The following SHROOM3 variants were observed in gnomAD, a reference collection of about 807,000 sequenced individuals.
SHROOM3 encodes the protein shroom family member 3.
Under a neutral mutation model 138.6 loss-of-function variants are expected in SHROOM3, and 47 were observed. The observed-to-expected ratio is 0.34, with a 90% CI of 0.27 to 0.43. The LOEUF is 0.43. Among genes scored for constraint, SHROOM3 ranks in the 20% least tolerant of loss-of-function variants. The pLI is 1.00. For missense variants in SHROOM3, 2,491 were observed against 2,596.5 expected (o/e 0.96, Z 0.88); for synonymous variants, 1,062 against 1,063.3 (o/e 1.00, Z 0.02).
chr4:76,631,448 G>A (rs1033836761), intron 2 of SHROOM3, among the ~76,000 whole-genome samples: 3 of 151,800 alleles, frequency 2.0e-5, no homozygotes, highest in Non-Finnish European at 4.4e-5. Flanking sequence ...CCCAACCTCA[G>A]GTGATCCACC....
rs546943884 is a variant in SHROOM3, at chr4:76,458,693, C to T, written c.168+22473C>T. Reference sequence around the variant, plus strand: ...GTTTTATTGAGATATAAATCAAATGCCATACAATTATCCTGTCACACACAT... The same window carrying T: ...GTTTTATTGAGATATAAATCAAATGTCATACAATTATCCTGTCACACACAT... On this transcript the variant is annotated intron_variant, in intron 1 of 10. Transcript: ENST00000296043. Among the ~76,000 whole-genome samples, 223 of 152,268 alleles carry T rather than the reference C, an allele frequency of 1.5e-3. 1 individual carries two copies. The highest frequency in any genetic ancestry group is 1.9e-3 in the Non-Finnish European group (132 of 68,012).
intron 5 of SHROOM3, among the ~76,000 whole-genome samples, chr4:76,744,314 A>G (rs1721360613): frequency 6.6e-6 from 1 of 152,200 alleles, no homozygotes; most frequent in Non-Finnish European, 1.5e-5. Flanking sequence ...CAAATGAAAT[A>G]CTTCTTTTGT....
chr4:76,649,558 A>C (rs1054661815), intron 2 of SHROOM3, among the ~76,000 whole-genome samples: 6 of 152,230 alleles, frequency 3.9e-5, no homozygotes, highest in African/African-American at 1.4e-4. Flanking sequence ...CATAAATTTG[A>C]CATGGTGTTG....
At chr4:76,746,918 G>A (rs1440341880) in intron 5 of SHROOM3, among the ~76,000 whole-genome samples, 1 of 151,784 alleles carries the variant, frequency 6.6e-6, no homozygotes, top group East Asian at 1.9e-4. Flanking sequence ...CCGGGTTCAC[G>A]CCATTCTCCT....
Position 76,740,903 on chromosome 4 carries a change from G to A in SHROOM3, c.2730G>A (p.Ser910=), listed in dbSNP as rs772076428. 33 of 1,503,480 alleles carry A rather than the reference G, an allele frequency of 2.2e-5. No homozygotes were observed. The African/African-American group carries it at 3.8e-4, about 17-fold the overall frequency. The allele number at this position is 1,503,480 out of a possible 1,614,324, so 93.1% of individuals were successfully genotyped here. A position where few individuals can be genotyped will look rare whatever the true frequency, so the allele number is the denominator to read the frequency against. Reference sequence around the variant, plus strand: ...CCGAGTGGCGGGACAGGCCCGGCTCGCCCGAATCGCCCCTGCTGGATGCCC... The same window carrying A: ...CCGAGTGGCGGGACAGGCCCGGCTCACCCGAATCGCCCCTGCTGGATGCCC... The part of the protein sequence containing the change: ...REPEWRDRPG[S]PESPLLDAPF... Residue 910 remains serine (S), a synonymous_variant, in exon 5 of 11, where the codon TCG becomes TCA. Transcript: ENST00000296043. The surrounding 1 kb of genome is among the most constrained non-coding windows in gnomAD (Gnocchi z 4.0).
chr4:76,726,858 C>T (rs1577998841), intron 3 of SHROOM3, among the ~76,000 whole-genome samples: 1 of 152,056 alleles, frequency 6.6e-6, no homozygotes, highest in East Asian at 1.9e-4. Flanking sequence ...CATCTTTTTT[C>T]CTGTGGAGCC....
At position 76,541,623 on chromosome 4, in the gene SHROOM3, G is replaced by GCACA. The variant is rs751594734; in HGVS notation, c.169-13985_169-13984insACAC. Among the ~76,000 whole-genome samples the GCACA allele has an allele frequency of 4.0e-3, 566 of 140,162 alleles. 4 individuals are homozygous for GCACA. The highest frequency in any genetic ancestry group is 0.013 in the African/African-American group (535 of 40,294). 92.0% of individuals were successfully genotyped at this position (140,162 alleles called of 152,430 possible). On this transcript the variant is annotated intron_variant, in intron 1 of 10. Coordinates refer to ENST00000296043, the MANE Select transcript of SHROOM3 (RefSeq NM_020859.4). ...AGAAGGCCGGGATTCACATATGTGG[G>GCACA]CGCACACACACACACACACACACAC...
Position 76,740,464 on chromosome 4 carries a change from G to A in SHROOM3, c.2291G>A (p.Gly764Asp). ...CTGGGCCGGAGGGGGCCCGGCCCAGGCAGCGCCTCGGCTCTTCAGGGCTTT... is the reference window on the plus strand; with the variant it reads ...CTGGGCCGGAGGGGGCCCGGCCCAGACAGCGCCTCGGCTCTTCAGGGCTTT... ...SSLGRRGPGP[G>D]SASALQGFQY... Residue 764 changes from glycine (G) to aspartate (D), a missense_variant, in exon 5 of 11, where the codon GGC (glycine) becomes GAC (aspartate). Transcript: ENST00000296043. This position sits in a 1 kb window ranked among gnomAD's most constrained non-coding sequence, Gnocchi z 4.0. The A allele has an allele frequency of 6.2e-7, 1 of 1,611,510 alleles. No homozygotes were observed. The highest frequency in any genetic ancestry group is 8.5e-7 in the Non-Finnish European group (1 of 1,178,542).
chr4:76,510,809 A>G (rs967531107), intron 1 of SHROOM3, among the ~76,000 whole-genome samples: 2 of 152,288 alleles, frequency 1.3e-5, no homozygotes. Context: ...TTTGGTCCCA[A>G]TCTAGGTCTT....
In SHROOM3 at chr4:76,739,372, G is replaced by C. The variant is rs781290519; in HGVS notation, c.1199G>C (p.Arg400Pro). 1 of 1,614,098 alleles carries C rather than the reference G, an allele frequency of 6.2e-7. No individual in the cohort carries two copies. The highest frequency in any genetic ancestry group is 2.2e-5 in the East Asian group (1 of 44,878). The change falls in exon 5 of 11, where the codon CGG (arginine) becomes CCG (proline). Residue 400 changes from arginine to proline, a missense_variant. This residue lies in a region of SHROOM3 where 1,733 missense variants were observed against 1,661.6 expected (regional missense o/e 1.04). Coordinates refer to ENST00000296043, the MANE Select transcript of SHROOM3 (RefSeq NM_020859.4). ...TACGCAGCATTTCGGCACCGTGAGC[G>C]GCCCAGCTCCTGGTCTAGCCTTGAT... The part of the protein sequence containing the change: ...DSYAAFRHRE[R>P]PSSWSSLDQK...
At chr4:76,607,961 C>T (rs1734657463) in intron 2 of SHROOM3, among the ~76,000 whole-genome samples, 1 of 152,128 alleles carries the variant, frequency 6.6e-6, no homozygotes, top group Non-Finnish European at 1.5e-5. Flanking sequence ...CATGCTTTAA[C>T]CTCTAGCTGT....
In SHROOM3 at chr4:76,740,419, C is replaced by T; in HGVS notation, c.2246C>T (p.Ser749Leu). The change falls in exon 5 of 11, where the codon TCG (serine) becomes TTG (leucine). Residue 749 changes from serine to leucine, a missense_variant. Transcript: ENST00000296043. This position sits in a 1 kb window ranked among gnomAD's most constrained non-coding sequence, Gnocchi z 4.0. Reference protein sequence around the residue: ...DPSPEEPPAPSHPHTSSLGRR... With the variant: ...DPSPEEPPAPLHPHTSSLGRR... ...AGTCCCGAAGAGCCGCCTGCCCCCT[C>T]GCACCCGCACACATCCAGTCTGGGC... 10 of 1,612,982 alleles carry T rather than the reference C, an allele frequency of 6.2e-6. No homozygotes were observed. Among genetic ancestry groups the T allele is most frequent in the Non-Finnish European group, 8.5e-6 (10 of 1,179,796 alleles).
intron 1 of SHROOM3, among the ~76,000 whole-genome samples, chr4:76,534,154 G>T (rs1732890949): frequency 6.6e-6 from 1 of 152,208 alleles, no homozygotes; most frequent in South Asian, 2.1e-4. Flanking sequence ...TGTGTGTAAA[G>T]CACAAACCCC....
chr4:76,451,373 T>G (rs1450822732), intron 1 of SHROOM3, among the ~76,000 whole-genome samples: 1 of 152,188 alleles, frequency 6.6e-6, no homozygotes, highest in African/African-American at 2.4e-5. Context: ...CACCATTCAA[T>G]AAACTGCAAA....
chr4:76,549,023 A>G (rs902677298), intron 1 of SHROOM3, among the ~76,000 whole-genome samples: 1 of 152,242 alleles, frequency 6.6e-6, no homozygotes, highest in Non-Finnish European at 1.5e-5. Flanking sequence ...AAAGTTTAAA[A>G]TAATAAGCTT....
rs71212439 is a variant in SHROOM3 at position 76,668,574 on chromosome 4, AAAACAAAC to A, written c.324-41562_324-41555del. 1.2e-4 allele frequency among the ~76,000 whole-genome samples: 19 copies of A among 152,182 alleles called. 1 individual carries two copies. The highest frequency in any genetic ancestry group is 3.4e-3 in the Middle Eastern group (1 of 294). On this transcript the variant is annotated intron_variant, in intron 2 of 10. Coordinates refer to ENST00000296043, the MANE Select transcript of SHROOM3 (RefSeq NM_020859.4). Reference sequence around the variant, plus strand: ...GGCGACAACAGCAAAACTCCGCCTCAAAACAAACAAACAAACAAACAAACAAATGAAAA... The same window carrying A: ...GGCGACAACAGCAAAACTCCGCCTCAAAACAAACAAACAAACAAATGAAAA...
chr4:76,568,411 G>T (rs1733771467), intron 2 of SHROOM3, among the ~76,000 whole-genome samples: 1 of 152,164 alleles, frequency 6.6e-6, no homozygotes, highest in African/African-American at 2.4e-5. Context: ...AGAGCTGCTG[G>T]ACAGGCAGTC....
chr4:76,729,354 C>T (rs1322046198), intron 3 of SHROOM3, among the ~76,000 whole-genome samples: 1 of 152,022 alleles, frequency 6.6e-6, no homozygotes. Context: ...TATTTGGCAA[C>T]TCAAGCATTA....
Position 76,740,036 on chromosome 4 carries a change from G to A in SHROOM3, c.1863G>A (p.Arg621=), listed in dbSNP as rs765592047. 2.5e-6 allele frequency: 4 copies of A among 1,613,890 alleles called. No homozygotes were observed. Among genetic ancestry groups the A allele is most frequent in the Non-Finnish European group, 2.5e-6 (3 of 1,180,040 alleles). The change falls in exon 5 of 11, where the codon AGG becomes AGA. Residue 621 remains arginine, a synonymous_variant. Coordinates refer to ENST00000296043, the MANE Select transcript of SHROOM3 (RefSeq NM_020859.4). The surrounding 1 kb of genome is among the most constrained non-coding windows in gnomAD (Gnocchi z 4.0). ...WQAGEDKRSS[R]LSEPWEGDFQ... is the part of the protein sequence containing the mutation. ...CGGGTGAAGACAAGAGATCTTCCAG[G>A]CTCTCAGAGCCCTGGGAGGGCGATT...
Sources: gnomAD v4.1 joint callset for allele counts (sites outside exome capture counted in the v4.1 genomes callset) on GRCh38, gnomAD v4.1.1 for gene constraint, gnomAD v4.1.1 regional missense constraint, Gnocchi (gnomAD v3.1) non-coding constraint, MANE v1.5 for transcripts, NCBI Gene and HGNC (gene_info 2026-07-23, HGNC 2026-07-21) for gene names.